Variants in NR2F1-AS1 observed in about 807,000 individuals in gnomAD.
The protein encoded by NR2F1-AS1 is NR2F1 regulatory antisense RNA 1.
At chr5:93,453,061 C>A (rs1749871727) in intron 4 of NR2F1-AS1, among the ~76,000 whole-genome samples, 1 of 151,886 alleles carries the variant, frequency 6.6e-6, no homozygotes, top group African/African-American at 2.4e-5. Flanking sequence ...GACACTAAAA[C>A]AACTATCATA....
intron 4 of NR2F1-AS1, among the ~76,000 whole-genome samples, chr5:93,412,590 C>T (rs900374879): frequency 2.0e-5 from 3 of 152,224 alleles, no homozygotes; most frequent in Admixed American, 6.5e-5. Context: ...CATGTTGGCT[C>T]AATCCTCAGA....
chr5:93,541,692 G>C (rs1181327872), intron 4 of NR2F1-AS1, among the ~76,000 whole-genome samples: 2 of 151,968 alleles, frequency 1.3e-5, no homozygotes, highest in Non-Finnish European at 2.9e-5. Flanking sequence ...TATTAGGACA[G>C]CAACCTTTCC....
intron 4 of NR2F1-AS1, among the ~76,000 whole-genome samples, chr5:93,541,616 A>G (rs146847021): frequency 5.9e-5 from 9 of 152,304 alleles, no homozygotes; most frequent in Non-Finnish European, 1.3e-4. Context: ...TACTCAAAGT[A>G]TAACTGGATA....
chr5:93,426,886 T>C (rs146396761), intron 4 of NR2F1-AS1, among the ~76,000 whole-genome samples: 29 of 152,204 alleles, frequency 1.9e-4, no homozygotes, highest in South Asian at 8.3e-4. Flanking sequence ...GTAATAAAAG[T>C]TCCCCCCCTC....
intron 4 of NR2F1-AS1, among the ~76,000 whole-genome samples, chr5:93,527,951 A>G (rs558760154): frequency 6.6e-5 from 10 of 152,334 alleles, no homozygotes; most frequent in African/African-American, 2.4e-4. Flanking sequence ...AGACTTCACG[A>G]CTAAAATACC....
At chr5:93,440,216 T>TCACA (rs1453280860) in intron 4 of NR2F1-AS1, among the ~76,000 whole-genome samples, 30 of 150,104 alleles carry the variant, frequency 2.0e-4, no homozygotes, top group African/African-American at 6.5e-4. Context: ...TCTCTCTCTC[T>TCACA]CTCACACACA....
intron 2 of NR2F1-AS1, among the ~76,000 whole-genome samples, chr5:93,556,496 T>C (rs533605788): frequency 6.6e-6 from 1 of 152,308 alleles, no homozygotes; most frequent in East Asian, 1.9e-4. Context: ...CCCCCCAAAA[T>C]ATGTTATAGC....
rs142982957 is a variant in NR2F1-AS1, at chr5:93,563,623, A to T, written n.314-160T>A. ...GAAATGAAAGAAAGTATATTTAGTA[A>T]GTGTGAGCAAATAAAGCAATGCCTA... On this transcript the variant is annotated intron_variant and non_coding_transcript_variant, in intron 1 of 5. Transcript: ENST00000660523. Among the ~76,000 whole-genome samples the T allele has an allele frequency of 1.0e-3, 158 of 152,360 alleles. 3 individuals are homozygous for T. The East Asian group carries it at 0.023, about 22-fold the overall frequency.
At chr5:93,524,508 C>A (rs542244619) in intron 4 of NR2F1-AS1, among the ~76,000 whole-genome samples, 2 of 152,006 alleles carry the variant, frequency 1.3e-5, no homozygotes, top group Admixed American at 6.6e-5. Flanking sequence ...TACAGAGAAC[C>A]TCACAAAGAT....
chr5:93,498,348 T>C (rs147955810), intron 4 of NR2F1-AS1, among the ~76,000 whole-genome samples: 14 of 152,182 alleles, frequency 9.2e-5, no homozygotes, highest in African/African-American at 3.4e-4. Flanking sequence ...TTTTATATGA[T>C]AAAGCTAGCA....
At chr5:93,422,131 G>T (rs568069191) in intron 4 of NR2F1-AS1, 1 of 152,188 alleles carries the variant, frequency 6.6e-6, no homozygotes, top group Non-Finnish European at 1.5e-5. Context: ...GCACTCTCCC[G>T]GAGCCCAGCC....
intron 4 of NR2F1-AS1, among the ~76,000 whole-genome samples, chr5:93,418,623 A>AT (rs1749020494): frequency 6.6e-6 from 1 of 150,842 alleles, no homozygotes; most frequent in African/African-American, 2.5e-5. Context: ...AAATAAATAA[A>AT]AACCTCCCTA....
At chr5:93,507,861 A>G (rs184247692) in intron 4 of NR2F1-AS1, among the ~76,000 whole-genome samples, 1 of 152,274 alleles carries the variant, frequency 6.6e-6, no homozygotes, top group Admixed American at 6.5e-5. Flanking sequence ...ATATAATAAA[A>G]CATCTCATTC....
In NR2F1-AS1 at chr5:93,579,822, A is replaced by G. The variant is rs1003409003; in HGVS notation, n.313+645T>C. Among the ~76,000 whole-genome samples the G allele has an allele frequency of 1.3e-5, 2 of 152,132 alleles. No homozygotes were observed. The highest frequency in any genetic ancestry group is 4.8e-5 in the African/African-American group (2 of 41,450). ...AGTCTGGCTCGGCTGCTAGGCTGCG[A>G]ATCCCGGTGCTCTCTCGCCGCCGCC... On this transcript the variant is annotated intron_variant and non_coding_transcript_variant, in intron 1 of 5. Transcript: ENST00000660523. The surrounding 1 kb of genome is among the most constrained non-coding windows in gnomAD (Gnocchi z 5.1).
chr5:93,582,634 ACT>A (rs1753130508), upstream of NR2F1-AS1, among the ~76,000 whole-genome samples: 1 of 152,182 alleles, frequency 6.6e-6, no homozygotes, highest in Admixed American at 6.5e-5. Flanking sequence ...TTTCAATGAC[ACT>A]CTCTTCACGC....
intron 4 of NR2F1-AS1, among the ~76,000 whole-genome samples, chr5:93,528,153 A>G (rs543766035): frequency 6.6e-6 from 1 of 152,342 alleles, no homozygotes; most frequent in East Asian, 1.9e-4. Flanking sequence ...CAAATTTACA[A>G]GAAAAAAACA....
chr5:93,451,488 A>T (rs976470055), intron 4 of NR2F1-AS1, among the ~76,000 whole-genome samples: 1 of 152,020 alleles, frequency 6.6e-6, no homozygotes, highest in Non-Finnish European at 1.5e-5. Context: ...CTGCAACCTC[A>T]ACCTCCTGGG....
intron 4 of NR2F1-AS1, among the ~76,000 whole-genome samples, chr5:93,532,187 T>C (rs529574945): frequency 2.0e-5 from 3 of 152,326 alleles, no homozygotes; most frequent in Admixed American, 2.0e-4. Context: ...ATATTTTTAA[T>C]GTTCTTCGTT....
chr5:93,470,833 TTAAG>T (rs1350040367), intron 4 of NR2F1-AS1, among the ~76,000 whole-genome samples: 2 of 151,928 alleles, frequency 1.3e-5, no homozygotes. Context: ...ACTTTTACCC[TTAAG>T]TTTTTCTGTA....
Sources: gnomAD v4.1 joint callset for allele counts (sites outside exome capture counted in the v4.1 genomes callset) on GRCh38, gnomAD v4.1.1 for gene constraint, Gnocchi (gnomAD v3.1) non-coding constraint, MANE v1.5 for transcripts, NCBI Gene and HGNC (gene_info 2026-07-23, HGNC 2026-07-21) for gene names.